Variants in LYRM4 observed in about 807,000 individuals in gnomAD.
LYRM4 encodes the protein LYR motif containing 4.
A neutral mutation model predicts 11.7 loss-of-function variants in LYRM4; 9 were observed. The ratio of observed to expected loss-of-function variants is 0.77; its 90% CI spans 0.46 to 1.34. LYRM4 has a LOEUF of 1.34. LYRM4 is among the 40% of genes most tolerant of loss of function. The probability of loss-of-function intolerance (pLI) is 0.00; values close to 1 mark genes in which losing one functional copy is unlikely to be tolerated. For missense variants in LYRM4, 133 were observed against 112.5 expected, an observed-to-expected ratio of 1.18 and a Z score of -0.82; for synonymous variants, 42 against 40.4, an observed-to-expected ratio of 1.04 and a Z score of -0.15.
intron 1 of LYRM4, among the ~76,000 whole-genome samples, chr6:5,229,131 G>T (rs905010765): frequency 6.6e-5 from 10 of 151,686 alleles, no homozygotes; most frequent in Non-Finnish European, 1.5e-4. Context: ...AGTGAAAAAA[G>T]GTCAGTAGAC....
Position 5,144,588 on chromosome 6 carries a change from G to A in LYRM4, c.208-35097C>T, listed in dbSNP as rs186746862. 4.7e-3 allele frequency among the ~76,000 whole-genome samples: 556 copies of A among 118,722 alleles called. 2 individuals carry two copies. Among genetic ancestry groups the A allele is most frequent in the Admixed American group, 0.013 (108 of 8,324 alleles). 77.9% of individuals were successfully genotyped at this position (118,722 alleles called of 152,430 possible). A position where few individuals can be genotyped will look rare whatever the true frequency, so the allele number is the denominator to read the frequency against. ...GGAGGTGAGCCGAGATCACGCCACT[G>A]CACTCCAGCCTGGGCGACACAGCGA... is the stretch of plus-strand genomic sequence containing the variant. On this transcript the variant is annotated intron_variant, in intron 2 of 2. Coordinates refer to ENST00000330636, the MANE Select transcript of LYRM4 (RefSeq NM_020408.6).
chr6:5,181,390 C>A (rs1308208686), intron 2 of LYRM4, among the ~76,000 whole-genome samples: 1 of 152,202 alleles, frequency 6.6e-6, no homozygotes, highest in Non-Finnish European at 1.5e-5. Context: ...TGTATTGTGT[C>A]GTCAATGATT....
the LYRM4 span, among the ~76,000 whole-genome samples, chr6:5,068,224 A>C: frequency 6.6e-6 from 1 of 152,230 alleles, no homozygotes; most frequent in East Asian, 1.9e-4. This position sits in a 1 kb window ranked among gnomAD's most constrained non-coding sequence, Gnocchi z 4.0. Context: ...TATGAGGTCA[A>C]AGTAGAAGTC....
chr6:5,226,198 A>G (rs1581548878), intron 1 of LYRM4, among the ~76,000 whole-genome samples: 1 of 152,100 alleles, frequency 6.6e-6, no homozygotes, highest in African/African-American at 2.4e-5. Context: ...GTTACACATC[A>G]TATGTATAAA....
intron 2 of LYRM4, among the ~76,000 whole-genome samples, chr6:5,139,580 G>A (rs1757293295): frequency 6.6e-6 from 1 of 152,178 alleles, no homozygotes; most frequent in Non-Finnish European, 1.5e-5. Context: ...ATATTTTAAA[G>A]GTTTCTGTGT....
chr6:5,074,695 A>C, the LYRM4 span, among the ~76,000 whole-genome samples: 1 of 151,528 alleles, frequency 6.6e-6, no homozygotes, highest in Non-Finnish European at 1.5e-5. Context: ...AAATAGGTAT[A>C]TATGGAGAAG....
intron 2 of LYRM4, among the ~76,000 whole-genome samples, chr6:5,170,271 A>T (rs1050499898): frequency 6.6e-6 from 1 of 152,224 alleles, no homozygotes; most frequent in Non-Finnish European, 1.5e-5. Flanking sequence ...TGACCTATAT[A>T]CGAAAACCAA....
chr6:5,047,856 T>A, the LYRM4 span, among the ~76,000 whole-genome samples: 9 of 152,014 alleles, frequency 5.9e-5, no homozygotes, highest in Non-Finnish European at 1.2e-4. Context: ...GTAGAAAGAG[T>A]TCTGGGTAGA....
intron 1 of LYRM4, among the ~76,000 whole-genome samples, chr6:5,251,923 G>A (rs988441482): frequency 1.3e-5 from 2 of 152,164 alleles, no homozygotes; most frequent in African/African-American, 2.4e-5. Flanking sequence ...TCTGGATTGC[G>A]ACTGGTAATA....
At chr6:5,034,217 A>C in the LYRM4 span, 21 of 152,260 alleles carry the variant, frequency 1.4e-4, no homozygotes, top group African/African-American at 5.1e-4. Flanking sequence ...ATACTGAATC[A>C]ACAGCCAAAT....
intron 2 of LYRM4, chr6:5,144,057 T>C: frequency 6.9e-7 from 1 of 1,453,304 alleles, no homozygotes; most frequent in African/African-American, 1.4e-5. Flanking sequence ...CCTGAATAGC[T>C]GCTTCATACT....
chr6:5,165,709 A>G (rs1348162223), intron 2 of LYRM4, among the ~76,000 whole-genome samples: 1 of 152,052 alleles, frequency 6.6e-6, no homozygotes, highest in Non-Finnish European at 1.5e-5. Context: ...CACCCAGCAG[A>G]TTTTTGTAAT....
At chr6:5,257,415 G>A (rs979861526) in intron 1 of LYRM4, among the ~76,000 whole-genome samples, 1 of 152,134 alleles carries the variant, frequency 6.6e-6, no homozygotes, top group Non-Finnish European at 1.5e-5. Flanking sequence ...CCCAGTCTGT[G>A]ACAACTATCT....
intron 1 of LYRM4, among the ~76,000 whole-genome samples, chr6:5,254,591 C>A (rs1764584587): frequency 6.6e-6 from 1 of 152,210 alleles, no homozygotes; most frequent in Non-Finnish European, 1.5e-5. Context: ...TTTCTGGTAA[C>A]TGTGTATGTG....
At chr6:5,232,031 GCCA>G (rs1298182187) in intron 1 of LYRM4, among the ~76,000 whole-genome samples, 40 of 152,172 alleles carry the variant, frequency 2.6e-4, no homozygotes, top group Non-Finnish European at 2.9e-5. Context: ...TGGTTACCAT[GCCA>G]CTTTTTTCTT....
the LYRM4 span, among the ~76,000 whole-genome samples, chr6:5,098,102 G>A: frequency 1.3e-5 from 2 of 152,154 alleles, no homozygotes; most frequent in Non-Finnish European, 2.9e-5. Flanking sequence ...GGGACTACAG[G>A]GGTGCACCAC....
At chr6:5,165,548 A>G (rs202040504) in intron 2 of LYRM4, among the ~76,000 whole-genome samples, 1 of 132,854 alleles carries the variant, frequency 7.5e-6, no homozygotes, top group South Asian at 2.5e-4. Context: ...CCTATTTTTA[A>G]TTTTTTTTTT....
the LYRM4 span, among the ~76,000 whole-genome samples, chr6:5,047,009 T>C: frequency 3.3e-3 from 498 of 152,230 alleles, 2 homozygotes; most frequent in African/African-American, 0.012. Context: ...GAGAATCTCC[T>C]GAGCCCAGGG....
In LYRM4 at chr6:5,168,729, T is replaced by C. The variant is rs79936164; in HGVS notation, c.207+47889A>G. On this transcript the variant is annotated intron_variant, in intron 2 of 2. Coordinates refer to ENST00000330636, the MANE Select transcript of LYRM4 (RefSeq NM_020408.6). Reference sequence around the variant, plus strand: ...GATTGTATTTTCCGGCAATGGATAGTATTACTGCATCATTGATAAATGTCT... The same window carrying C: ...GATTGTATTTTCCGGCAATGGATAGCATTACTGCATCATTGATAAATGTCT... Among the ~76,000 whole-genome samples, 22 of 152,316 alleles carry C rather than the reference T, an allele frequency of 1.4e-4. 1 individual carries two copies. In the East Asian group the frequency reaches 4.0e-3, roughly 28 times the overall value.
Sources: gnomAD v4.1 joint callset for allele counts (sites outside exome capture counted in the v4.1 genomes callset) on GRCh38, gnomAD v4.1.1 for gene constraint, Gnocchi (gnomAD v3.1) non-coding constraint, MANE v1.5 for transcripts, NCBI Gene and HGNC (gene_info 2026-07-23, HGNC 2026-07-21) for gene names.